The following LPAR1 variants were observed in gnomAD, a reference collection of about 807,000 sequenced individuals.
The protein encoded by LPAR1 is lysophosphatidic acid receptor 1.
LPAR1 carries 5 observed loss-of-function variants against 23.8 expected under a neutral mutation model. That is an observed-to-expected ratio of 0.21 (90% CI 0.11 to 0.44). The LOEUF is 0.44. LPAR1 is among the 20% of genes least tolerant of loss of function. LPAR1 has a pLI of 0.99. For synonymous variants in LPAR1, 160 were observed against 164.7 expected (o/e 0.97, Z 0.22); for missense variants, 311 against 482.8 (o/e 0.64, Z 3.33).
intron 4 of LPAR1, among the ~76,000 whole-genome samples, chr9:110,958,845 ACAAGT>A (rs1289756611): frequency 1.1e-4 from 17 of 150,020 alleles, no homozygotes; most frequent in African/African-American, 3.7e-4. Context: ...AGGAACTCAA[ACAAGT>A]CAAGAGTTAA....
intron 4 of LPAR1, among the ~76,000 whole-genome samples, chr9:110,969,926 C>G (rs1402055692): frequency 6.6e-6 from 1 of 152,080 alleles, no homozygotes; most frequent in Admixed American, 6.5e-5. Flanking sequence ...AAGACAGGAG[C>G]AGGGCATGTG....
Position 111,038,326 on chromosome 9 carries a change from C to G in LPAR1, c.-421G>C, listed in dbSNP as rs1407720657. On this transcript the variant is annotated 5_prime_UTR_variant, in exon 1 of 6. Coordinates refer to ENST00000683809, the MANE Select transcript of LPAR1 (RefSeq NM_001351411.2). This position sits in a 1 kb window ranked among gnomAD's most constrained non-coding sequence, Gnocchi z 4.4. ...AGCGGGGCCGCCCCCTGCGCCCACC[C>G]CGCCGGGGTCCCGTGCTCGGCCGGG... The G allele has an allele frequency of 6.7e-6, 1 of 149,954 alleles. No individual in the cohort carries two copies. The highest frequency in any genetic ancestry group is 1.5e-5 in the Non-Finnish European group (1 of 67,630). The allele number at this position is 149,954 out of a possible 1,614,324, so 9.3% of individuals were successfully genotyped here.
chr9:110,965,701 G>A (rs1243123627), intron 4 of LPAR1, among the ~76,000 whole-genome samples: 2 of 152,186 alleles, frequency 1.3e-5, no homozygotes, highest in African/African-American at 2.4e-5. Flanking sequence ...AACCTTTGTG[G>A]AAGACAGTGT....
At chr9:110,970,652 C>T (rs10817126) in intron 4 of LPAR1, among the ~76,000 whole-genome samples, 78,017 of 151,732 alleles carry the variant, frequency 0.51, 21,207 homozygotes, top group Non-Finnish European at 0.61. Flanking sequence ...GGGAAAAATG[C>T]CCCTTGTTCT....
At chr9:110,902,076 A>T (rs2089340635) in intron 5 of LPAR1, among the ~76,000 whole-genome samples, 1 of 152,136 alleles carries the variant, frequency 6.6e-6, no homozygotes, top group African/African-American at 2.4e-5. Flanking sequence ...CAACCAGAGG[A>T]ATGTCACAGT....
At chr9:110,971,324 G>A (rs2096412908) in intron 4 of LPAR1, among the ~76,000 whole-genome samples, 1 of 152,150 alleles carries the variant, frequency 6.6e-6, no homozygotes, top group Non-Finnish European at 1.5e-5. Flanking sequence ...ATGATTACAT[G>A]AGAGGAAACT....
chr9:110,919,714 T>C (rs528389255), intron 5 of LPAR1, among the ~76,000 whole-genome samples: 1 of 152,316 alleles, frequency 6.6e-6, no homozygotes, highest in African/African-American at 2.4e-5. Flanking sequence ...TGTCACCATA[T>C]CCAAAATGCT....
At chr9:111,005,922 A>C (rs961899159) in intron 2 of LPAR1, among the ~76,000 whole-genome samples, 1 of 152,168 alleles carries the variant, frequency 6.6e-6, no homozygotes, top group South Asian at 2.1e-4. Flanking sequence ...TACCTTGCAC[A>C]TAAGTCATAA....
At chr9:110,890,243 T>G (rs1402977258) in intron 5 of LPAR1, among the ~76,000 whole-genome samples, 1 of 152,168 alleles carries the variant, frequency 6.6e-6, no homozygotes, top group Non-Finnish European at 1.5e-5. Context: ...TGTAATAGTT[T>G]GATAATCTGA....
intron 4 of LPAR1, among the ~76,000 whole-genome samples, chr9:110,953,592 G>T (rs2095640366): frequency 1.3e-5 from 2 of 151,894 alleles, no homozygotes; most frequent in Admixed American, 6.6e-5. Context: ...GAACCCAGGA[G>T]GCAGAGGTTG....
At chr9:110,933,885 C>T (rs928708628) in intron 5 of LPAR1, among the ~76,000 whole-genome samples, 1 of 152,134 alleles carries the variant, frequency 6.6e-6, no homozygotes, top group Non-Finnish European at 1.5e-5. Flanking sequence ...TTAAACGTTT[C>T]TTCTGAGAAA....
chr9:110,873,349 TA>T lies in LPAR1; in HGVS notation c.*2071del, dbSNP rs1487324710. 3.9e-5 allele frequency: 6 copies of T among 152,332 alleles called. No homozygotes were observed. Among genetic ancestry groups the T allele is most frequent in the African/African-American group, 1.4e-4 (6 of 41,582 alleles). The allele number at this position is 152,332 out of a possible 1,614,324, so 9.4% of individuals were successfully genotyped here. ...GCCTCCAGAAAAATATGCACATGTG[TA>T]AAAGTCCACGTTCATTTCTTTCACT... On this transcript the variant is annotated 3_prime_UTR_variant, in exon 6 of 6. Coordinates refer to ENST00000683809, the MANE Select transcript of LPAR1 (RefSeq NM_001351411.2).
chr9:110,941,317 C>T lies in LPAR1; in HGVS notation c.793+104G>A. On this transcript the variant is annotated intron_variant, in intron 5 of 5. Coordinates refer to ENST00000683809, the MANE Select transcript of LPAR1 (RefSeq NM_001351411.2). This position sits in a 1 kb window ranked among gnomAD's most constrained non-coding sequence, Gnocchi z 6.1. Reference sequence around the variant, plus strand: ...TCCCCTTGTAATTCCTGGTGAATTACCTGGTGAATATTCATACTGTTGGTT... The same window carrying T: ...TCCCCTTGTAATTCCTGGTGAATTATCTGGTGAATATTCATACTGTTGGTT... The T allele has an allele frequency of 6.8e-6, 7 of 1,033,038 alleles. No homozygotes were observed. Among genetic ancestry groups the T allele is most frequent in the Non-Finnish European group, 9.9e-6 (7 of 708,522 alleles). The allele number at this position is 1,033,038 out of a possible 1,614,324, so 64.0% of individuals were successfully genotyped here. A position where few individuals can be genotyped will look rare whatever the true frequency, so the allele number is the denominator to read the frequency against.
chr9:110,986,252 C>A (rs868493056), intron 2 of LPAR1, among the ~76,000 whole-genome samples: 1 of 152,008 alleles, frequency 6.6e-6, no homozygotes, highest in Non-Finnish European at 1.5e-5. Flanking sequence ...CTACTGAGGG[C>A]GCCACTGTGC....
At chr9:110,946,259 A>T (rs2095373997) in intron 4 of LPAR1, among the ~76,000 whole-genome samples, 7 of 152,164 alleles carry the variant, frequency 4.6e-5, no homozygotes, top group Admixed American at 4.6e-4. Flanking sequence ...AAGAAAGATT[A>T]GAAGGAACCT....
chr9:111,026,759 G>A (rs899092623), intron 2 of LPAR1, among the ~76,000 whole-genome samples: 7 of 152,078 alleles, frequency 4.6e-5, no homozygotes, highest in Non-Finnish European at 7.4e-5. Flanking sequence ...TTTATTGAAG[G>A]CCTTTTCTGC....
chr9:110,924,212 T>C (rs1032431309), intron 5 of LPAR1, among the ~76,000 whole-genome samples: 1 of 146,962 alleles, frequency 6.8e-6, no homozygotes, highest in African/African-American at 2.5e-5. Flanking sequence ...TCATAAGAGA[T>C]ATTTATCTTA....
chr9:110,936,485 G>T (rs1228984612), intron 5 of LPAR1, among the ~76,000 whole-genome samples: 1 of 152,168 alleles, frequency 6.6e-6, no homozygotes, highest in Non-Finnish European at 1.5e-5. Context: ...CTTACAAAAA[G>T]AATGATCTTA....
At chr9:110,893,796 T>G (rs2085341898) in intron 5 of LPAR1, among the ~76,000 whole-genome samples, 1 of 152,168 alleles carries the variant, frequency 6.6e-6, no homozygotes, top group Admixed American at 6.5e-5. Context: ...TATGCGACTG[T>G]CTGTTTCATG....
Sources: allele counts gnomAD v4.1 joint callset (sites outside exome capture counted in the v4.1 genomes callset), GRCh38; gene constraint gnomAD v4.1.1; non-coding constraint Gnocchi (gnomAD v3.1); transcripts MANE v1.5; gene names NCBI Gene and HGNC (gene_info 2026-07-23, HGNC 2026-07-21).